Variants in CAMTA1 observed in about 807,000 individuals in gnomAD.
CAMTA1 encodes the protein calmodulin-binding transcription activator 1.
In CAMTA1, 27 loss-of-function variants were observed where a neutral mutation model predicts 170.9. The observed-to-expected ratio is 0.16, with a 90% confidence interval of 0.12 to 0.22. The LOEUF (loss-of-function observed/expected upper bound fraction) is 0.22. Among genes scored for constraint, CAMTA1 ranks in the 10% least tolerant of loss-of-function variants. CAMTA1 has a pLI of 1.00. For missense variants in CAMTA1, 1,619 were observed against 2,217.2 expected, an observed-to-expected ratio of 0.73 and a Z score of 5.42; for synonymous variants, 833 against 891.5, an observed-to-expected ratio of 0.93 and a Z score of 1.17.
chr1:7,297,823 C>T (rs1367987781), intron 5 of CAMTA1, among the ~76,000 whole-genome samples: 2 of 152,212 alleles, frequency 1.3e-5, no homozygotes, highest in African/African-American at 4.8e-5. Flanking sequence ...CCTGAACTGC[C>T]TGTTGTACAA....
At chr1:7,350,296 G>A (rs1338304989) in intron 5 of CAMTA1, among the ~76,000 whole-genome samples, 1 of 152,198 alleles carries the variant, frequency 6.6e-6, no homozygotes, top group Non-Finnish European at 1.5e-5. Flanking sequence ...CCAGGAGCAG[G>A]AGCCACAGAG....
At chr1:7,549,398 C>A (rs1024028049) in intron 6 of CAMTA1, among the ~76,000 whole-genome samples, 2 of 152,096 alleles carry the variant, frequency 1.3e-5, no homozygotes, top group African/African-American at 4.8e-5. Context: ...TGACCTTCTC[C>A]TGCCACCACA....
At chr1:6,794,347 T>C (rs1641924314) in intron 1 of CAMTA1, among the ~76,000 whole-genome samples, 1 of 151,858 alleles carries the variant, frequency 6.6e-6, no homozygotes, top group Non-Finnish European at 1.5e-5. Flanking sequence ...CACAAGGGGG[T>C]AGTGATGTTC....
chr1:7,119,539 A>G lies in CAMTA1; in HGVS notation c.302+28168A>G, dbSNP rs555248558. Among the ~76,000 whole-genome samples, 3 of 152,324 alleles carry G rather than the reference A, an allele frequency of 2.0e-5. No homozygotes were observed. In the South Asian group the frequency reaches 6.2e-4, roughly 32 times the overall value. On this transcript the variant is annotated intron_variant, in intron 4 of 22. Transcript: ENST00000303635. ...ATGGAAGAACCCCTGAGCCGAAAACATACAGAAGAATGCTTGTTATTGGCA... is the reference window on the plus strand; with the variant it reads ...ATGGAAGAACCCCTGAGCCGAAAACGTACAGAAGAATGCTTGTTATTGGCA...
intron 3 of CAMTA1, among the ~76,000 whole-genome samples, chr1:6,992,384 C>CT (rs1434676803): frequency 1.3e-5 from 2 of 152,160 alleles, no homozygotes; most frequent in African/African-American, 4.8e-5. Context: ...AAGTTTATCA[C>CT]TTTTTTCCCT....
chr1:7,495,091 C>T (rs1414711044), intron 6 of CAMTA1, among the ~76,000 whole-genome samples: 2 of 151,152 alleles, frequency 1.3e-5, no homozygotes, highest in East Asian at 4.0e-4. Flanking sequence ...TCGTTTAAAT[C>T]CTCTCAAACT....
At chr1:7,467,772 TCCTTCC>T in intron 5 of CAMTA1, 52 bp from the exon 6 acceptor site, 3 of 1,328,750 alleles carry the variant, frequency 2.3e-6, no homozygotes, top group Non-Finnish European at 3.2e-6. Context: ...TGCGCCGTCT[TCCTTCC>T]TTCCTTCCTT....
chr1:7,086,220 G>A (rs1640722248), intron 3 of CAMTA1, among the ~76,000 whole-genome samples: 1 of 152,062 alleles, frequency 6.6e-6, no homozygotes, highest in South Asian at 2.1e-4. Context: ...CATCTTGACA[G>A]TCGAGTCATT....
chr1:7,743,033 G>A (rs1348962037), intron 16 of CAMTA1, among the ~76,000 whole-genome samples: 1 of 152,016 alleles, frequency 6.6e-6, no homozygotes, highest in African/African-American at 2.4e-5. Context: ...GGTTTTTTTG[G>A]GTAGAGACAG....
intron 5 of CAMTA1, among the ~76,000 whole-genome samples, chr1:7,448,803 C>A (rs1159709827): frequency 6.6e-6 from 1 of 152,242 alleles, no homozygotes; most frequent in Non-Finnish European, 1.5e-5. Context: ...AAAGGCCCCA[C>A]CTCCTAATCC....
chr1:7,421,325 G>A (rs2091547447), intron 5 of CAMTA1, among the ~76,000 whole-genome samples: 1 of 151,920 alleles, frequency 6.6e-6, no homozygotes, highest in Non-Finnish European at 1.5e-5. Context: ...GCTAATTTTT[G>A]TAATTTTTAG....
At chr1:7,193,824 G>C (rs1573798993) in intron 4 of CAMTA1, among the ~76,000 whole-genome samples, 1 of 152,314 alleles carries the variant, frequency 6.6e-6, no homozygotes, top group South Asian at 2.1e-4. Flanking sequence ...TGCTCCTTTA[G>C]GTGTTCAGGT....
intron 3 of CAMTA1, among the ~76,000 whole-genome samples, chr1:6,985,923 T>C (rs935057227): frequency 1.3e-5 from 2 of 152,254 alleles, no homozygotes; most frequent in African/African-American, 4.8e-5. Flanking sequence ...CCTCTGTGTA[T>C]GGGCAGGAGC....
chr1:7,111,901 A>C (rs1032128498), intron 4 of CAMTA1, among the ~76,000 whole-genome samples: 17 of 151,544 alleles, frequency 1.1e-4, no homozygotes, highest in East Asian at 3.9e-4. Flanking sequence ...AAAAAAAAAA[A>C]AAAAAAAAAA....
intron 3 of CAMTA1, among the ~76,000 whole-genome samples, chr1:6,911,479 C>A (rs1032343608): frequency 5.9e-5 from 9 of 152,322 alleles, no homozygotes; most frequent in Non-Finnish European, 1.2e-4. Context: ...TGTGCAGTGT[C>A]TTCCTGTGTT....
At chr1:6,831,206 T>C (rs1220916540) in intron 3 of CAMTA1, among the ~76,000 whole-genome samples, 1 of 152,226 alleles carries the variant, frequency 6.6e-6, no homozygotes, top group African/African-American at 2.4e-5. Context: ...TACCTGTGTG[T>C]AACTTGAGCA....
intron 3 of CAMTA1, among the ~76,000 whole-genome samples, chr1:6,959,874 T>C (rs760655676): frequency 1.6e-4 from 24 of 152,224 alleles, no homozygotes; most frequent in Non-Finnish European, 2.9e-4. Flanking sequence ...TCAGGTCCCA[T>C]GGGCAGAGCA....
intron 4 of CAMTA1, among the ~76,000 whole-genome samples, chr1:7,140,014 T>G (rs1463693291): frequency 6.6e-6 from 1 of 152,232 alleles, no homozygotes; most frequent in Non-Finnish European, 1.5e-5. Context: ...TACATTATCT[T>G]CTTTACTTTT....
At chr1:7,169,773 C>G (rs1649232033) in intron 4 of CAMTA1, among the ~76,000 whole-genome samples, 1 of 152,212 alleles carries the variant, frequency 6.6e-6, no homozygotes, top group Admixed American at 6.5e-5. Context: ...GTGATCTGCT[C>G]TCTTCAACTT....
Sources: allele counts gnomAD v4.1 joint callset (sites outside exome capture counted in the v4.1 genomes callset), GRCh38; gene constraint gnomAD v4.1.1; transcripts MANE v1.5; gene names NCBI Gene and HGNC (gene_info 2026-07-23, HGNC 2026-07-21).